Variants in CFAP299 observed in about 807,000 individuals in gnomAD.
CFAP299 encodes the protein cilia- and flagella-associated protein 299.
Under a neutral mutation model 27.0 loss-of-function variants are expected in CFAP299, and 21 were observed. The observed-to-expected ratio is 0.78, with a 90% CI of 0.55 to 1.12. CFAP299 has a LOEUF of 1.12. Ranked by LOEUF, CFAP299 falls within the 50% of genes most tolerant of loss-of-function variation. The pLI is 0.00. For missense variants in CFAP299, 310 were observed against 276.6 expected (o/e 1.12, Z -0.86); for synonymous variants, 104 against 98.1 (o/e 1.06, Z -0.36).
chr4:80,483,196 G>C (rs1730651450), intron 2 of CFAP299, among the ~76,000 whole-genome samples: 1 of 152,206 alleles, frequency 6.6e-6, no homozygotes, highest in South Asian at 2.1e-4. Context: ...CTGGCTTTGA[G>C]GGCTGAAGGG....
At chr4:80,870,865 C>G (rs1376994828) in intron 4 of CFAP299, 2 of 985,096 alleles carry the variant, frequency 2.0e-6, no homozygotes, top group African/African-American at 1.7e-5. Context: ...TCTATCCACC[C>G]TTACTGATAT....
intron 3 of CFAP299, among the ~76,000 whole-genome samples, chr4:80,769,444 G>A (rs1264710789): frequency 1.3e-5 from 2 of 152,160 alleles, no homozygotes. Context: ...GCCCAGGCTA[G>A]AGTGTGGTGG....
At chr4:80,778,079 C>A (rs1726656072) in intron 3 of CFAP299, among the ~76,000 whole-genome samples, 1 of 152,108 alleles carries the variant, frequency 6.6e-6, no homozygotes, top group South Asian at 2.1e-4. Context: ...TTTATTATTC[C>A]TAAATCCCTG....
intron 2 of CFAP299, among the ~76,000 whole-genome samples, chr4:80,567,969 G>T (rs755346289): frequency 1.3e-5 from 2 of 151,306 alleles, no homozygotes; most frequent in African/African-American, 4.8e-5. Context: ...TGAAAGCCTC[G>T]CTTTTAAAAA....
chr4:80,606,262 C>T (rs532946098), intron 3 of CFAP299, among the ~76,000 whole-genome samples: 5 of 152,220 alleles, frequency 3.3e-5, no homozygotes, highest in South Asian at 2.1e-4. Flanking sequence ...CTAGGCTGGG[C>T]GTGGTGGCTC....
Position 80,833,923 on chromosome 4 carries a change from AGC to A in CFAP299, c.334-36069_334-36068del, listed in dbSNP as rs1300464943. Reference sequence around the variant, plus strand: ...GGCCCAGAGTAAAGTAAGAAATGGAAGCTAAAGAGACCATTCCAAATCACTGG... The same window carrying A: ...GGCCCAGAGTAAAGTAAGAAATGGAATAAAGAGACCATTCCAAATCACTGG... On this transcript the variant is annotated intron_variant, in intron 3 of 5. Coordinates refer to ENST00000358105, the MANE Select transcript of CFAP299 (RefSeq NM_152770.3). Among the ~76,000 whole-genome samples the A allele has an allele frequency of 3.3e-5, 5 of 152,198 alleles. No homozygotes were observed. In the East Asian group the frequency reaches 9.6e-4, roughly 29 times the overall value.
At chr4:80,540,597 CTG>C (rs1733953692) in intron 2 of CFAP299, among the ~76,000 whole-genome samples, 1 of 152,112 alleles carries the variant, frequency 6.6e-6, no homozygotes. Flanking sequence ...AAAACAAAGT[CTG>C]TTTGCACATA....
chr4:80,488,477 T>C (rs1404398007), intron 2 of CFAP299, among the ~76,000 whole-genome samples: 1 of 150,000 alleles, frequency 6.7e-6, no homozygotes, highest in Non-Finnish European at 1.5e-5. Context: ...TAAACACCTT[T>C]TTTTTTTTTT....
intron 2 of CFAP299, among the ~76,000 whole-genome samples, chr4:80,460,307 C>T (rs935500043): frequency 6.6e-6 from 1 of 152,134 alleles, no homozygotes; most frequent in South Asian, 2.1e-4. Context: ...TTTATTTCAC[C>T]AATGCAGATT....
intron 2 of CFAP299, among the ~76,000 whole-genome samples, chr4:80,530,442 C>A (rs983332854): frequency 6.6e-6 from 1 of 152,048 alleles, no homozygotes; most frequent in East Asian, 1.9e-4. Context: ...ATGCTACAAG[C>A]CATTTTATTT....
intron 3 of CFAP299, among the ~76,000 whole-genome samples, chr4:80,819,606 G>A (rs1553895823): frequency 6.6e-6 from 1 of 152,078 alleles, no homozygotes; most frequent in Non-Finnish European, 1.5e-5. Flanking sequence ...GAGTAAGTAG[G>A]GAAGCAATAG....
intron 2 of CFAP299, among the ~76,000 whole-genome samples, chr4:80,521,652 A>G (rs1732918285): frequency 6.6e-6 from 1 of 151,868 alleles, no homozygotes; most frequent in Non-Finnish European, 1.5e-5. Context: ...CCACCATTCT[A>G]TGTTCTGCTT....
At chr4:80,583,221 C>A in intron 3 of CFAP299, 38 bp downstream of exon 3, 3 of 1,180,298 alleles carry the variant, frequency 2.5e-6, no homozygotes, top group Non-Finnish European at 3.7e-6. Flanking sequence ...AATGTATACA[C>A]TAAATGCACA....
chr4:80,394,564 C>CT (rs1725672596), intron 2 of CFAP299, among the ~76,000 whole-genome samples: 1 of 151,934 alleles, frequency 6.6e-6, no homozygotes, highest in East Asian at 1.9e-4. Flanking sequence ...CAGTTTCTTA[C>CT]GTATAAGTCA....
intron 3 of CFAP299, among the ~76,000 whole-genome samples, chr4:80,830,612 T>C (rs1275526367): frequency 6.6e-6 from 1 of 151,972 alleles, no homozygotes; most frequent in African/African-American, 2.4e-5. Context: ...CCAAACTATC[T>C]CAAGGGCAGG....
chr4:80,528,387 G>T (rs1410588045), intron 2 of CFAP299, among the ~76,000 whole-genome samples: 1 of 152,002 alleles, frequency 6.6e-6, no homozygotes, highest in African/African-American at 2.4e-5. Context: ...TATGGTTCAT[G>T]TAGCATTCTC....
chr4:80,461,962 A>G (rs767830342), intron 2 of CFAP299, among the ~76,000 whole-genome samples: 1 of 152,080 alleles, frequency 6.6e-6, no homozygotes, highest in Non-Finnish European at 1.5e-5. Context: ...CCCCAGTTCC[A>G]TGGAGGAACT....
At chr4:80,355,781 A>G (rs1021911440) in intron 1 of CFAP299, among the ~76,000 whole-genome samples, 3 of 151,958 alleles carry the variant, frequency 2.0e-5, no homozygotes, top group Non-Finnish European at 4.4e-5. Context: ...CTCCCATTCT[A>G]TAGGTTGTCT....
chr4:80,620,384 A>G (rs1481287465), intron 3 of CFAP299, among the ~76,000 whole-genome samples: 1 of 152,184 alleles, frequency 6.6e-6, no homozygotes, highest in Non-Finnish European at 1.5e-5. Flanking sequence ...ATTTGCTGAC[A>G]AGGGAATGAC....
Sources: gnomAD v4.1 joint callset for allele counts (sites outside exome capture counted in the v4.1 genomes callset) on GRCh38, gnomAD v4.1.1 for gene constraint, MANE v1.5 for transcripts, NCBI Gene and HGNC (gene_info 2026-07-23, HGNC 2026-07-21) for gene names.